The following MYO5A variants were observed in gnomAD, a reference collection of about 807,000 sequenced individuals.
MYO5A encodes the protein myosin VA, also known as unconventional myosin-Va.
In MYO5A, 98 loss-of-function variants were observed where a neutral mutation model predicts 249.7. The ratio of observed to expected loss-of-function variants is 0.39; its 90% confidence interval spans 0.33 to 0.46. MYO5A has a LOEUF of 0.46. Among genes scored for constraint, MYO5A ranks in the 20% least tolerant of loss-of-function variants. The pLI is 0.98. For synonymous variants in MYO5A, 778 were observed against 810.6 expected, an observed-to-expected ratio of 0.96 and a Z score of 0.68; for missense variants, 1,696 against 2,308.8, an observed-to-expected ratio of 0.73 and a Z score of 5.44.
At chr15:52,358,556 C>G (rs1567049353) in intron 25 of MYO5A, among the ~76,000 whole-genome samples, 1 of 152,164 alleles carries the variant, frequency 6.6e-6, no homozygotes, top group Non-Finnish European at 1.5e-5. Context: ...TGCAGCAGAA[C>G]TAACACTGGG....
intron 1 of MYO5A, among the ~76,000 whole-genome samples, chr15:52,448,650 G>T (rs1011500986): frequency 6.6e-6 from 1 of 152,188 alleles, no homozygotes; most frequent in African/African-American, 2.4e-5. Flanking sequence ...CAGTGTCGAA[G>T]ATGGGTCCTG....
chr15:52,460,323 C>T (rs368707845), intron 1 of MYO5A, among the ~76,000 whole-genome samples: 2 of 152,176 alleles, frequency 1.3e-5, no homozygotes, highest in African/African-American at 4.8e-5. Flanking sequence ...TGTAGCGATC[C>T]GAGATCACGC....
At chr15:52,509,456 A>C (rs2077346300) in intron 1 of MYO5A, among the ~76,000 whole-genome samples, 2 of 152,194 alleles carry the variant, frequency 1.3e-5, no homozygotes. Context: ...AAAACAAAAA[A>C]ACTCCATGAC....
chr15:52,488,066 C>CA (rs1281203225), intron 1 of MYO5A, among the ~76,000 whole-genome samples: 8 of 151,748 alleles, frequency 5.3e-5, no homozygotes, highest in African/African-American at 1.9e-4. Flanking sequence ...ACTTCTGTAG[C>CA]AAAAAGTTCC....
chr15:52,459,490 G>A (rs1268535533), intron 1 of MYO5A, among the ~76,000 whole-genome samples: 2 of 152,098 alleles, frequency 1.3e-5, no homozygotes, highest in African/African-American at 2.4e-5. Context: ...TTGGCGGTAA[G>A]GTTATAGATT....
At chr15:52,484,908 G>A (rs528334774) in intron 1 of MYO5A, among the ~76,000 whole-genome samples, 10 of 151,954 alleles carry the variant, frequency 6.6e-5, no homozygotes, top group East Asian at 1.9e-4. Context: ...TTTTAGTAGC[G>A]ATGGGGTTTC....
chr15:52,490,803 C>T (rs897887388), intron 1 of MYO5A, among the ~76,000 whole-genome samples: 4 of 152,078 alleles, frequency 2.6e-5, no homozygotes, highest in Non-Finnish European at 5.9e-5. Flanking sequence ...CTCACTGCAA[C>T]CTCAAACTCC....
chr15:52,390,050 T>C (rs1260491879), intron 12 of MYO5A, among the ~76,000 whole-genome samples: 1 of 152,198 alleles, frequency 6.6e-6, no homozygotes, highest in Non-Finnish European at 1.5e-5. Context: ...AAGACAAACA[T>C]CACATGTTCT....
chr15:52,496,407 G>A (rs548113898), intron 1 of MYO5A, among the ~76,000 whole-genome samples: 95 of 67,958 alleles, frequency 1.4e-3, no homozygotes, highest in African/African-American at 2.9e-3. Flanking sequence ...CCCTGGAAAC[G>A]TCCCAGGAAA....
intron 5 of MYO5A, 23 bp downstream of exon 5, chr15:52,416,122 A>G (rs773447197): frequency 6.2e-7 from 1 of 1,613,438 alleles, no homozygotes; most frequent in Admixed American, 1.7e-5. Context: ...TATAGGAAGA[A>G]AGCCGAAGAC....
chr15:52,418,127 C>G (rs2043601859), intron 4 of MYO5A, among the ~76,000 whole-genome samples: 1 of 152,146 alleles, frequency 6.6e-6, no homozygotes. Context: ...GGCTCAGAAT[C>G]AGAAGTTTGG....
At position 52,308,229 on chromosome 15, in the gene MYO5A, C is replaced by T. The variant is rs1322659658; in HGVS notation, c.*5467G>A. The T allele has an allele frequency of 6.6e-6, 1 of 152,066 alleles. No individual in the cohort carries two copies. Among genetic ancestry groups the T allele is most frequent in the Admixed American group, 6.6e-5 (1 of 15,266 alleles). 9.4% of individuals were successfully genotyped at this position (152,066 alleles called of 1,614,324 possible). A position where few individuals can be genotyped will look rare whatever the true frequency, so the allele number is the denominator to read the frequency against. ...CGAACATTTTAGATAGACCAAATTA[C>T]AAATAAAAAAAGTATAAAAAGCATT... On this transcript the variant is annotated 3_prime_UTR_variant, in exon 42 of 42. Coordinates refer to ENST00000399233, the MANE Select transcript of MYO5A (RefSeq NM_001382347.1).
At chr15:52,400,840 T>C (rs2042719529) in intron 9 of MYO5A, among the ~76,000 whole-genome samples, 1 of 152,228 alleles carries the variant, frequency 6.6e-6, no homozygotes, top group Non-Finnish European at 1.5e-5. Flanking sequence ...TTTCCCTTTG[T>C]AATTAATACA....
At chr15:52,381,043 T>G (rs2041715461) in intron 16 of MYO5A, among the ~76,000 whole-genome samples, 1 of 152,222 alleles carries the variant, frequency 6.6e-6, no homozygotes, top group Admixed American at 6.5e-5. Flanking sequence ...TATTTTACTC[T>G]AGGCAAATGA....
chr15:52,502,520 C>G (rs2077180775), intron 1 of MYO5A, among the ~76,000 whole-genome samples: 1 of 152,202 alleles, frequency 6.6e-6, no homozygotes, highest in Admixed American at 6.5e-5. Context: ...TTTACAAACT[C>G]TCTTTCTCAC....
intron 33 of MYO5A, among the ~76,000 whole-genome samples, chr15:52,336,965 C>G (rs1379413595): frequency 1.3e-5 from 2 of 152,202 alleles, no homozygotes; most frequent in Admixed American, 1.3e-4. Flanking sequence ...TAGGTAGGAA[C>G]TGACACTCCC....
In MYO5A at chr15:52,307,902, A is replaced by G. The variant is rs1432152267; in HGVS notation, c.*5794T>C. 6.6e-6 allele frequency: 1 copy of G among 152,224 alleles called. No homozygotes were observed. The highest frequency in any genetic ancestry group is 1.5e-5 in the Non-Finnish European group (1 of 68,014). The allele number at this position is 152,224 out of a possible 1,614,324, so 9.4% of individuals were successfully genotyped here. The stretch of plus-strand genomic sequence containing the variant: ...CCACAAAAATACATAACCAGGAATC[A>G]TAAATTACAACATATATATCCACAT... On this transcript the variant is annotated 3_prime_UTR_variant, in exon 42 of 42. Coordinates refer to ENST00000399233, the MANE Select transcript of MYO5A (RefSeq NM_001382347.1).
At chr15:52,435,530 G>A in intron 1 of MYO5A, 1 of 401,170 alleles carries the variant, frequency 2.5e-6, no homozygotes, top group South Asian at 1.8e-5. Flanking sequence ...ACCCGCCTTG[G>A]CCTCTCAAGG....
At chr15:52,403,284 T>C (rs2042841322) in intron 9 of MYO5A, among the ~76,000 whole-genome samples, 1 of 152,216 alleles carries the variant, frequency 6.6e-6, no homozygotes. Flanking sequence ...AGAGTAGTGT[T>C]ATTCATAACA....
Sources: allele counts gnomAD v4.1 joint callset (sites outside exome capture counted in the v4.1 genomes callset), GRCh38; gene constraint gnomAD v4.1.1; transcripts MANE v1.5; gene names NCBI Gene and HGNC (gene_info 2026-07-23, HGNC 2026-07-21).